Variants in HAPLN1 observed in about 807,000 individuals in gnomAD.
HAPLN1 encodes Cartilage link protein.
A neutral mutation model predicts 36.5 loss-of-function variants in HAPLN1; 13 were observed. The ratio of observed to expected loss-of-function variants is 0.36; its 90% CI spans 0.23 to 0.57. The LOEUF is 0.57. Ranked by LOEUF, HAPLN1 falls within the 20% of genes least tolerant of loss-of-function variation. The probability of loss-of-function intolerance (pLI) is 0.83; values close to 1 mark genes in which losing one functional copy is unlikely to be tolerated. For synonymous variants in HAPLN1, 202 were observed against 169.8 expected (o/e 1.19, Z -1.48); for missense variants, 407 against 439.7 (o/e 0.93, Z 0.66).
At position 83,708,691 on chromosome 5, in the gene HAPLN1, A is replaced by T. The variant is rs992416580; in HGVS notation, c.-27+12098T>A. 7.2e-5 allele frequency among the ~76,000 whole-genome samples: 11 copies of T among 152,214 alleles called. No homozygotes were observed. In the East Asian group the frequency reaches 2.1e-3, roughly 29 times the overall value. On this transcript the variant is annotated intron_variant, in intron 1 of 4. Transcript: ENST00000274341. ...CAGTACCTATATCACAAACTTTTAC[A>T]TGTATCCACTAAACTAAAAGTTAAA...
chr5:83,711,067 C>T (rs1233876959), intron 1 of HAPLN1, among the ~76,000 whole-genome samples: 1 of 151,926 alleles, frequency 6.6e-6, no homozygotes, highest in Non-Finnish European at 1.5e-5. Flanking sequence ...ATCCAGAGCT[C>T]GGGGGCAACA....
At chr5:83,709,964 T>C (rs1369139810) in intron 1 of HAPLN1, among the ~76,000 whole-genome samples, 1 of 152,218 alleles carries the variant, frequency 6.6e-6, no homozygotes, top group Non-Finnish European at 1.5e-5. Context: ...TGTTCCTGTT[T>C]TTGAAAACGG....
chr5:83,659,189 G>C (rs188195581), intron 2 of HAPLN1, among the ~76,000 whole-genome samples: 1 of 152,014 alleles, frequency 6.6e-6, no homozygotes, highest in African/African-American at 2.4e-5. Context: ...CAGGAGAATC[G>C]CTTGAATCTG....
At chr5:83,712,112 G>A (rs1479612537) in intron 1 of HAPLN1, among the ~76,000 whole-genome samples, 3 of 152,120 alleles carry the variant, frequency 2.0e-5, no homozygotes, top group African/African-American at 7.2e-5. Context: ...ATCATGTAAG[G>A]ATGAGGAATC....
At chr5:83,695,034 C>G (rs1751359727) in intron 1 of HAPLN1, among the ~76,000 whole-genome samples, 1 of 152,134 alleles carries the variant, frequency 6.6e-6, no homozygotes, top group South Asian at 2.1e-4. Context: ...TTTAGCAAAT[C>G]TAATCCAAAA....
intron 1 of HAPLN1, among the ~76,000 whole-genome samples, chr5:83,700,386 T>A (rs78890401): frequency 0.014 from 2,136 of 152,220 alleles, 102 homozygotes; most frequent in East Asian, 0.095. Context: ...GTTACTGGCT[T>A]ATAGCAATAT....
At chr5:83,685,462 T>A (rs1352404657) in intron 1 of HAPLN1, among the ~76,000 whole-genome samples, 2 of 151,436 alleles carry the variant, frequency 1.3e-5, no homozygotes, top group Non-Finnish European at 1.5e-5. Context: ...ATATTAGACA[T>A]CACACACACA....
chr5:83,717,551 T>C (rs906105148), intron 1 of HAPLN1, among the ~76,000 whole-genome samples: 1 of 152,218 alleles, frequency 6.6e-6, no homozygotes, highest in African/African-American at 2.4e-5. Flanking sequence ...CTGATTGTCC[T>C]GATCACTGTT....
At chr5:83,667,351 T>C (rs1378922356) in intron 2 of HAPLN1, among the ~76,000 whole-genome samples, 1 of 152,152 alleles carries the variant, frequency 6.6e-6, no homozygotes, top group Non-Finnish European at 1.5e-5. Flanking sequence ...TGTAAATTGA[T>C]AAGAAATTTA....
At chr5:83,720,750 G>T (rs1751999736) in intron 1 of HAPLN1, 39 bp downstream of exon 1, 1 of 152,162 alleles carries the variant, frequency 6.6e-6, no homozygotes, top group Non-Finnish European at 1.5e-5. Context: ...AGGCACAAAG[G>T]TATAACCAAA....
At chr5:83,661,197 C>CATCTAT (rs143407538) in intron 2 of HAPLN1, among the ~76,000 whole-genome samples, 9,394 of 148,200 alleles carry the variant, frequency 0.063, 858 homozygotes, top group African/African-American at 0.2. Context: ...ATGTCTTTGT[C>CATCTAT]ATCTATATCT....
intron 2 of HAPLN1, among the ~76,000 whole-genome samples, chr5:83,666,429 G>A (rs979593075): frequency 6.6e-6 from 1 of 152,072 alleles, no homozygotes; most frequent in African/African-American, 2.4e-5. Flanking sequence ...CACATACTAT[G>A]CTGATTTCAG....
intron 4 of HAPLN1, among the ~76,000 whole-genome samples, chr5:83,642,746 T>G (rs531876029): frequency 3.4e-4 from 52 of 152,300 alleles, no homozygotes; most frequent in African/African-American, 1.3e-3. Context: ...CTTTCTAGAC[T>G]GAGATGATGT....
chr5:83,671,331 A>G (rs1447721456), intron 2 of HAPLN1, among the ~76,000 whole-genome samples: 4 of 152,216 alleles, frequency 2.6e-5, no homozygotes, highest in Admixed American at 6.5e-5. Flanking sequence ...AGAAGCTCAT[A>G]CTGCTTATCA....
intron 1 of HAPLN1, among the ~76,000 whole-genome samples, chr5:83,715,022 T>A (rs577054414): frequency 5.9e-5 from 9 of 152,308 alleles, no homozygotes; most frequent in African/African-American, 2.2e-4. Flanking sequence ...GTTAACATGG[T>A]CCTTCACATT....
At chr5:83,686,142 C>CAAAAAAAAAAAAAAAAAAAAAAAAAA (rs535353958) in intron 1 of HAPLN1, 3 of 81,642 alleles carry the variant, frequency 3.7e-5, no homozygotes, top group Non-Finnish European at 4.7e-5. Context: ...AAAATGTAGC[C>CAAAAAAAAAAAAAAAAAAAAAAAAAA]AAAAAAAAAA....
chr5:83,657,724 G>A (rs761661414), intron 2 of HAPLN1, among the ~76,000 whole-genome samples: 29 of 151,858 alleles, frequency 1.9e-4, no homozygotes, highest in Non-Finnish European at 1.6e-4. Flanking sequence ...AAGCTAGCCA[G>A]GCTTGATGTT....
intron 1 of HAPLN1, among the ~76,000 whole-genome samples, chr5:83,683,170 A>G (rs1309497039): frequency 1.3e-5 from 2 of 152,184 alleles, no homozygotes; most frequent in African/African-American, 4.8e-5. Flanking sequence ...AGCTGGGTAT[A>G]AAAAGTCTCA....
At chr5:83,690,886 T>C (rs1048694314) in intron 1 of HAPLN1, among the ~76,000 whole-genome samples, 3 of 152,036 alleles carry the variant, frequency 2.0e-5, no homozygotes, top group Admixed American at 1.3e-4. Context: ...TATGAATGCA[T>C]GTGTTATTTT....
Sources: allele counts gnomAD v4.1 joint callset (sites outside exome capture counted in the v4.1 genomes callset), GRCh38; gene constraint gnomAD v4.1.1; transcripts MANE v1.5; gene names NCBI Gene and HGNC (gene_info 2026-07-23, HGNC 2026-07-21).